The following COMMD1 variants were observed in gnomAD, a reference collection of about 807,000 sequenced individuals.
COMMD1 encodes the protein copper metabolism domain containing 1.
Under a neutral mutation model 17.2 loss-of-function variants are expected in COMMD1, and 10 were observed. The ratio of observed to expected loss-of-function variants is 0.58; its 90% CI spans 0.36 to 0.99. The LOEUF (loss-of-function observed/expected upper bound fraction) is 0.99, where lower values mean the gene tolerates loss of function less well. Among genes scored for constraint, COMMD1 ranks in the 50% least tolerant of loss-of-function variants. The pLI is 0.01. For synonymous variants in COMMD1, 97 were observed against 91.6 expected, an observed-to-expected ratio of 1.06 and a Z score of -0.34; for missense variants, 270 against 231.8, an observed-to-expected ratio of 1.17 and a Z score of -1.07.
At chr2:61,946,373 A>G (rs746029096) in intron 1 of COMMD1, among the ~76,000 whole-genome samples, 2 of 152,216 alleles carry the variant, frequency 1.3e-5, no homozygotes, top group African/African-American at 4.8e-5. Flanking sequence ...CAAAATGTCA[A>G]AAGGTTCGAA....
chr2:61,899,796 T>G (rs893008992), intron 1 of COMMD1, among the ~76,000 whole-genome samples: 2 of 152,118 alleles, frequency 1.3e-5, no homozygotes, highest in Non-Finnish European at 2.9e-5. Context: ...CTCAGCCTCC[T>G]GCATAGTTGG....
chr2:62,064,585 A>G (rs1375035271), intron 2 of COMMD1, among the ~76,000 whole-genome samples: 2 of 152,096 alleles, frequency 1.3e-5, no homozygotes, highest in Admixed American at 6.6e-5. Context: ...GCTGAGGAGA[A>G]AGCTCTCTGA....
At chr2:62,006,067 T>G (rs1354668108) in intron 2 of COMMD1, among the ~76,000 whole-genome samples, 1 of 150,884 alleles carries the variant, frequency 6.6e-6, no homozygotes, top group Non-Finnish European at 1.5e-5. Context: ...AAATTGGAAA[T>G]CATCATTCTC....
At position 61,952,068 on chromosome 2, in the gene COMMD1, G is replaced by A. The variant is rs908980762; in HGVS notation, c.180+46210G>A. 3.9e-5 allele frequency among the ~76,000 whole-genome samples: 6 copies of A among 152,122 alleles called. No homozygotes were observed. In the South Asian group the frequency reaches 1.0e-3, roughly 26 times the overall value. ...GAAACTGCCATGGCAAAATTGTGAC[G>A]GTAAAAGAAGTTTGACATGGCTGAC... On this transcript the variant is annotated intron_variant, in intron 1 of 2. Coordinates refer to ENST00000311832, the MANE Select transcript of COMMD1 (RefSeq NM_152516.4).
chr2:62,015,769 T>G (rs905709563), intron 2 of COMMD1, among the ~76,000 whole-genome samples: 1 of 151,838 alleles, frequency 6.6e-6, no homozygotes, highest in African/African-American at 2.4e-5. Context: ...CATTTAGTTT[T>G]GAGTTGAAGT....
chr2:62,120,731 T>C (rs2104072109), intron 2 of COMMD1, among the ~76,000 whole-genome samples: 1 of 152,204 alleles, frequency 6.6e-6, no homozygotes, highest in East Asian at 1.9e-4. Context: ...TTTCTTTTCT[T>C]TCTTTTTTTT....
At chr2:62,117,280 G>A (rs773142861) in intron 2 of COMMD1, among the ~76,000 whole-genome samples, 6 of 152,162 alleles carry the variant, frequency 3.9e-5, no homozygotes, top group Non-Finnish European at 8.8e-5. Context: ...GTATGTACTC[G>A]TTGCCTGTAC....
At chr2:62,028,399 T>TA (rs535024930) in intron 2 of COMMD1, among the ~76,000 whole-genome samples, 103 of 151,986 alleles carry the variant, frequency 6.8e-4, no homozygotes, top group Middle Eastern at 3.4e-3. Context: ...CATTATTTTT[T>TA]AAAAAAATAG....
intron 2 of COMMD1, among the ~76,000 whole-genome samples, chr2:62,120,889 ATTTTTG>A (rs932030567): frequency 2.6e-5 from 4 of 151,890 alleles, no homozygotes; most frequent in Admixed American, 6.6e-5. Context: ...TATCCAGCTA[ATTTTTG>A]TTTTTGTTTT....
At chr2:61,959,695 C>G (rs1339692704) in intron 1 of COMMD1, among the ~76,000 whole-genome samples, 4 of 152,112 alleles carry the variant, frequency 2.6e-5, no homozygotes, top group East Asian at 1.9e-4. Flanking sequence ...AACTCATGTC[C>G]TTTAATTATG....
chr2:61,918,077 A>G (rs1670095090), intron 1 of COMMD1, among the ~76,000 whole-genome samples: 1 of 152,240 alleles, frequency 6.6e-6, no homozygotes, highest in African/African-American at 2.4e-5. Context: ...CTGATAAAGT[A>G]TGCTAGAAGC....
At chr2:62,042,155 A>G (rs1670230847) in intron 2 of COMMD1, among the ~76,000 whole-genome samples, 1 of 152,278 alleles carries the variant, frequency 6.6e-6, no homozygotes, top group South Asian at 2.1e-4. Context: ...GCAAACCTTT[A>G]GCTAGACACA....
intron 1 of COMMD1, among the ~76,000 whole-genome samples, chr2:61,937,471 A>C (rs1321824624): frequency 6.6e-6 from 1 of 152,188 alleles, no homozygotes; most frequent in Non-Finnish European, 1.5e-5. Context: ...GGGACTCCGT[A>C]TGGCCAAGGG....
intron 2 of COMMD1, among the ~76,000 whole-genome samples, chr2:62,064,644 GCC>G (rs1391541602): frequency 1.3e-5 from 2 of 152,146 alleles, no homozygotes; most frequent in African/African-American, 2.4e-5. Context: ...GGCTTGTATA[GCC>G]CTCAGGTATT....
intron 2 of COMMD1, among the ~76,000 whole-genome samples, chr2:62,032,993 C>T (rs962545546): frequency 1.2e-4 from 19 of 152,226 alleles, no homozygotes; most frequent in African/African-American, 3.9e-4. Context: ...TGGTCTTGAA[C>T]TCCTGACCTC....
At chr2:61,920,781 C>G (rs541251312) in intron 1 of COMMD1, among the ~76,000 whole-genome samples, 1 of 151,918 alleles carries the variant, frequency 6.6e-6, no homozygotes, top group Admixed American at 6.6e-5. Context: ...AGCCACTTGA[C>G]AGTGGATCCA....
chr2:62,045,004 C>T (rs988880821), intron 2 of COMMD1, among the ~76,000 whole-genome samples: 1 of 152,216 alleles, frequency 6.6e-6, no homozygotes, highest in African/African-American at 2.4e-5. Context: ...AATCAATTCA[C>T]TGAGATCATG....
intron 2 of COMMD1, among the ~76,000 whole-genome samples, chr2:62,109,919 CTTTTTTT>C (rs11345736): frequency 5.4e-5 from 4 of 73,854 alleles, no homozygotes; most frequent in African/African-American, 1.1e-4. Context: ...TTATCTTGAT[CTTTTTTT>C]TTTTTTTTTT....
intron 2 of COMMD1, among the ~76,000 whole-genome samples, chr2:62,051,596 A>G (rs762182214): frequency 3.3e-5 from 5 of 152,114 alleles, no homozygotes; most frequent in Admixed American, 1.3e-4. Flanking sequence ...AGATTACATA[A>G]TGTATCCCAT....
Sources: gnomAD v4.1 joint callset for allele counts (sites outside exome capture counted in the v4.1 genomes callset) on GRCh38, gnomAD v4.1.1 for gene constraint, MANE v1.5 for transcripts, NCBI Gene and HGNC (gene_info 2026-07-23, HGNC 2026-07-21) for gene names.